PPP1R13B: variants seen among roughly 807,000 people sequenced by gnomAD.
PPP1R13B encodes the protein protein phosphatase 1 regulatory subunit 13B, also known as apoptosis-stimulating of p53 protein 1.
A neutral mutation model predicts 119.8 loss-of-function variants in PPP1R13B; 44 were observed. That is an observed-to-expected ratio of 0.37 (90% CI 0.29 to 0.47). The LOEUF is 0.47. PPP1R13B is among the 20% of genes least tolerant of loss of function. PPP1R13B has a pLI of 0.99. For missense variants in PPP1R13B, 1,227 were observed against 1,413.5 expected, an observed-to-expected ratio of 0.87 and a Z score of 2.12; for synonymous variants, 542 against 561.5, an observed-to-expected ratio of 0.97 and a Z score of 0.49.
At chr14:103,844,811 T>C (rs1278352757) in intron 1 of PPP1R13B, among the ~76,000 whole-genome samples, 1 of 152,198 alleles carries the variant, frequency 6.6e-6, no homozygotes. Flanking sequence ...TCTAAGCCTA[T>C]GTTGTCCAAT....
chr14:103,840,420 G>A (rs770733362), intron 1 of PPP1R13B, among the ~76,000 whole-genome samples: 1 of 152,202 alleles, frequency 6.6e-6, no homozygotes, highest in Non-Finnish European at 1.5e-5. Flanking sequence ...AGGATGCTGA[G>A]AAAGGAATGA....
At chr14:103,816,163 C>CTT (rs752578058) in intron 1 of PPP1R13B, among the ~76,000 whole-genome samples, 17 of 142,676 alleles carry the variant, frequency 1.2e-4, no homozygotes, top group Admixed American at 1.4e-4. Context: ...ATGAAAACAA[C>CTT]TTTTTTTTTT....
chr14:103,825,823 T>C (rs1455733306), intron 1 of PPP1R13B, among the ~76,000 whole-genome samples: 1 of 149,452 alleles, frequency 6.7e-6, no homozygotes, highest in Non-Finnish European at 1.5e-5. Context: ...TAAACAACAC[T>C]GTAGACAGTG....
At chr14:103,837,455 G>C (rs1376907605) in intron 1 of PPP1R13B, among the ~76,000 whole-genome samples, 1 of 152,080 alleles carries the variant, frequency 6.6e-6, no homozygotes, top group Non-Finnish European at 1.5e-5. Flanking sequence ...GGAAAGGCAA[G>C]CCTGGCTGCT....
chr14:103,827,578 C>A (rs953983549), intron 1 of PPP1R13B, among the ~76,000 whole-genome samples: 2 of 148,150 alleles, frequency 1.3e-5, no homozygotes, highest in South Asian at 4.2e-4. Flanking sequence ...CACTATAGAT[C>A]TATAGTGTGA....
intron 1 of PPP1R13B, among the ~76,000 whole-genome samples, chr14:103,806,886 CCT>C (rs1056595677): frequency 1.3e-5 from 2 of 152,188 alleles, no homozygotes; most frequent in Non-Finnish European, 2.9e-5. Context: ...GCCACCACCA[CCT>C]CTCAGAAAGG....
At chr14:103,779,106 G>A (rs562809736) in intron 3 of PPP1R13B, among the ~76,000 whole-genome samples, 3 of 152,174 alleles carry the variant, frequency 2.0e-5, no homozygotes, top group Non-Finnish European at 4.4e-5. Flanking sequence ...TCAGCAACAT[G>A]GGGAGACTTT....
At chr14:103,785,830 G>C (rs919970724) in intron 2 of PPP1R13B, among the ~76,000 whole-genome samples, 3 of 151,724 alleles carry the variant, frequency 2.0e-5, no homozygotes, top group Non-Finnish European at 4.4e-5. Flanking sequence ...TCCCATTCTT[G>C]AAAGAAACAT....
chr14:103,807,065 G>C (rs533502595), intron 1 of PPP1R13B, among the ~76,000 whole-genome samples: 4 of 152,274 alleles, frequency 2.6e-5, no homozygotes, highest in African/African-American at 7.2e-5. Context: ...ATACCTCTCT[G>C]ATCTCAGTGC....
chr14:103,823,526 C>T (rs913628965), intron 1 of PPP1R13B, among the ~76,000 whole-genome samples: 3 of 152,080 alleles, frequency 2.0e-5, no homozygotes, highest in African/African-American at 7.2e-5. Context: ...CACACAAGGC[C>T]AGCCAAAACT....
intron 4 of PPP1R13B, 94 bp from the exon 5 acceptor site, chr14:103,757,845 G>C (rs1233194728): frequency 9.8e-7 from 1 of 1,024,622 alleles, no homozygotes; most frequent in Non-Finnish European, 1.5e-6. Flanking sequence ...CTTTAGATAG[G>C]ATCCCTAGTA....
At chr14:103,838,088 C>T (rs2086819052) in intron 1 of PPP1R13B, among the ~76,000 whole-genome samples, 1 of 152,102 alleles carries the variant, frequency 6.6e-6, no homozygotes, top group East Asian at 1.9e-4. Context: ...CACTGCACTC[C>T]AGCCTGGGCG....
Position 103,754,742 on chromosome 14 carries a change from G to C in PPP1R13B, c.457-498C>G, listed in dbSNP as rs901120039. On this transcript the variant is annotated intron_variant, in intron 5 of 16. Transcript: ENST00000202556. ...GGCGTACCTAAGTATGAAATAGTAA[G>C]AGCTGCGGGATTTTTAAGAGAGAGG... is the stretch of plus-strand genomic sequence containing the variant. Among the ~76,000 whole-genome samples, 13 of 151,856 alleles carry C rather than the reference G, an allele frequency of 8.6e-5. 1 individual carries two copies. Among genetic ancestry groups the C allele is most frequent in the Non-Finnish European group, 1.8e-4 (12 of 67,958 alleles).
chr14:103,789,344 G>A (rs765701386), intron 2 of PPP1R13B, among the ~76,000 whole-genome samples: 5 of 151,950 alleles, frequency 3.3e-5, no homozygotes, highest in Admixed American at 2.0e-4. Context: ...TCAGCCTCCC[G>A]AGTAGCTGGG....
At chr14:103,822,540 C>G (rs886358318) in intron 1 of PPP1R13B, among the ~76,000 whole-genome samples, 2 of 152,144 alleles carry the variant, frequency 1.3e-5, no homozygotes, top group African/African-American at 2.4e-5. Context: ...ACCTATTTCA[C>G]CGGTGGCTCA....
At chr14:103,756,101 T>C (rs1363199404) in intron 5 of PPP1R13B, among the ~76,000 whole-genome samples, 1 of 152,084 alleles carries the variant, frequency 6.6e-6, no homozygotes, top group Non-Finnish European at 1.5e-5. Flanking sequence ...TTTTCTTTTT[T>C]TTTTTCATTT....
chr14:103,782,864 C>G (rs768959746), intron 3 of PPP1R13B, among the ~76,000 whole-genome samples: 1 of 151,478 alleles, frequency 6.6e-6, no homozygotes, highest in Non-Finnish European at 1.5e-5. Flanking sequence ...AGTGCAATGG[C>G]GCGATCTCGG....
At chr14:103,761,810 C>CT (rs975841334) in intron 4 of PPP1R13B, among the ~76,000 whole-genome samples, 1 of 151,956 alleles carries the variant, frequency 6.6e-6, no homozygotes, top group African/African-American at 2.4e-5. Context: ...AAATAATGCT[C>CT]TATAAGGAGT....
chr14:103,738,180 T>C lies in PPP1R13B; in HGVS notation c.2865-320A>G, dbSNP rs146477694. ...AGCTAAGATGTGAAATTTTATGTTATGTGTATTTTACCACGATTCAAATGC... is the reference window on the plus strand; with the variant it reads ...AGCTAAGATGTGAAATTTTATGTTACGTGTATTTTACCACGATTCAAATGC... On this transcript the variant is annotated intron_variant, in intron 14 of 16. Transcript: ENST00000202556. This position sits in a 1 kb window ranked among gnomAD's most constrained non-coding sequence, Gnocchi z 5.6. Among the ~76,000 whole-genome samples the C allele has an allele frequency of 9.6e-4, 147 of 152,360 alleles. 3 individuals carry two copies. In the East Asian group the frequency reaches 0.021, roughly 22 times the overall value.
Sources: allele counts gnomAD v4.1 joint callset (sites outside exome capture counted in the v4.1 genomes callset), GRCh38; gene constraint gnomAD v4.1.1; non-coding constraint Gnocchi (gnomAD v3.1); transcripts MANE v1.5; gene names NCBI Gene and HGNC (gene_info 2026-07-23, HGNC 2026-07-21).